Variants in CDH4 observed in about 807,000 individuals in gnomAD.
CDH4 encodes the protein cadherin-4.
In CDH4, 33 loss-of-function variants were observed where a neutral mutation model predicts 86.0. The ratio of observed to expected loss-of-function variants is 0.38; its 90% CI spans 0.29 to 0.51. CDH4 has a LOEUF of 0.51. CDH4 is among the 20% of genes least tolerant of loss of function. The pLI is 0.86. For synonymous variants in CDH4, 555 were observed against 549.4 expected, an observed-to-expected ratio of 1.01 and a Z score of -0.14; for missense variants, 1,114 against 1,307.4, an observed-to-expected ratio of 0.85 and a Z score of 2.28.
At position 61,517,113 on chromosome 20, in the gene CDH4, G is replaced by T. The variant is rs948304172; in HGVS notation, c.170-226450G>T. Among the ~76,000 whole-genome samples, 1 of 152,174 alleles carries T rather than the reference G, an allele frequency of 6.6e-6. No homozygotes were observed. The highest frequency in any genetic ancestry group is 1.5e-5 in the Non-Finnish European group (1 of 68,040). On this transcript the variant is annotated intron_variant, in intron 2 of 15. Coordinates refer to ENST00000614565, the MANE Select transcript of CDH4 (RefSeq NM_001794.5). The surrounding 1 kb of genome is among the most constrained non-coding windows in gnomAD (Gnocchi z 6.6). ...GCTCCCTCAGGCCCCTTGTGGCCAC[G>T]ATCCCTTCACCAAAGGGTAACCAGA...
Position 61,929,773 on chromosome 20 carries a change from G to A in CDH4, c.2170G>A (p.Ala724Thr), listed in dbSNP as rs376319086. 5.7e-5 allele frequency: 92 copies of A among 1,614,046 alleles called. No individual in the cohort carries two copies. The highest frequency in any genetic ancestry group is 4.3e-4 in the South Asian group (39 of 91,090). Residue 724 changes from alanine (A) to threonine (T), a missense_variant, in exon 13 of 16, where the codon GCA becomes ACA. Ala to Thr is a moderately conservative substitution (Grantham distance 58). Transcript: ENST00000614565. ...DDNGDCTTIG[A>T]VAAAGLGTGA... ...CAACGGGGACTGCACCACCATTGGC[G>A]CAGTGGCAGCGGCTGGTCTGGGCAC...
At position 61,254,259 on chromosome 20, in the gene CDH4, G is replaced by A. The variant is rs547787469; in HGVS notation, c.58-567G>A. Among the ~76,000 whole-genome samples, 35 of 152,306 alleles carry A rather than the reference G, an allele frequency of 2.3e-4. 1 individual carries two copies. In the South Asian group the frequency reaches 6.6e-3, roughly 29 times the overall value. On this transcript the variant is annotated intron_variant, in intron 1 of 15. Transcript: ENST00000614565. ...CCACTGCCTCCTCACCCCAGCCACC[G>A]GCAGCCTCCCGCAGAGCTGCCTTCT...
In CDH4 at chr20:61,565,278, GTGATGGGGTGA is replaced by G. The variant is rs1431519369; in HGVS notation, c.170-178282_170-178272del. Among the ~76,000 whole-genome samples the G allele has an allele frequency of 5.8e-5, 7 of 119,740 alleles. 1 individual carries two copies. The highest frequency in any genetic ancestry group is 1.7e-4 in the Admixed American group (2 of 11,910). The allele number at this position is 119,740 out of a possible 152,430, so 78.6% of individuals were successfully genotyped here. ...GGTGATGGTGGTGGTGGTCCTCTTGGTGATGGGGTGATGGTGGTGGCGGTGCTCTTGGTGGT... is the reference window on the plus strand; with the variant it reads ...GGTGATGGTGGTGGTGGTCCTCTTGGTGGTGGTGGCGGTGCTCTTGGTGGT... On this transcript the variant is annotated intron_variant, in intron 2 of 15. Coordinates refer to ENST00000614565, the MANE Select transcript of CDH4 (RefSeq NM_001794.5).
intron 2 of CDH4, among the ~76,000 whole-genome samples, chr20:61,661,437 CAGAT>C (rs1362953899): frequency 1.3e-5 from 2 of 149,506 alleles, no homozygotes; most frequent in South Asian, 2.1e-4. Flanking sequence ...GTGGTGCTCT[CAGAT>C]AGCCCTTTAA....
At chr20:61,801,343 C>T (rs1052095134) in intron 4 of CDH4, among the ~76,000 whole-genome samples, 5 of 152,150 alleles carry the variant, frequency 3.3e-5, no homozygotes, top group African/African-American at 1.2e-4. Context: ...GGGTTGAGGG[C>T]ATCAACCACA....
Position 61,870,169 on chromosome 20 carries a change from GC to G in CDH4, c.878-3556del, listed in dbSNP as rs1983736818. Among the ~76,000 whole-genome samples, 3 of 152,194 alleles carry G rather than the reference GC, an allele frequency of 2.0e-5. No individual in the cohort carries two copies. In the South Asian group the frequency reaches 6.2e-4, roughly 32 times the overall value. ...AGGGCTGAGTGGAGAAGAGCTCCAA[GC>G]CCAGATCCTGGACCCCAGCCCTGCT... On this transcript the variant is annotated intron_variant, in intron 6 of 15. Coordinates refer to ENST00000614565, the MANE Select transcript of CDH4 (RefSeq NM_001794.5).
At chr20:61,662,754 C>T (rs549715568) in intron 2 of CDH4, among the ~76,000 whole-genome samples, 118 of 152,330 alleles carry the variant, frequency 7.7e-4, no homozygotes, top group African/African-American at 2.7e-3. Context: ...GCCAGCAAGA[C>T]TCGGGATGGC....
intron 4 of CDH4, among the ~76,000 whole-genome samples, chr20:61,787,105 TCCATC>T (rs1978922687): frequency 1.3e-5 from 1 of 74,792 alleles, no homozygotes; most frequent in African/African-American, 3.2e-5. Flanking sequence ...CCATCATCCA[TCCATC>T]CATCCATCCA....
At chr20:61,370,945 T>G (rs2084836827) in intron 2 of CDH4, 1 of 152,252 alleles carries the variant, frequency 6.6e-6, no homozygotes. Context: ...CCGCGCCGTT[T>G]GTCCTCCCGA....
intron 1 of CDH4, among the ~76,000 whole-genome samples, chr20:61,253,879 G>A (rs899877759): frequency 6.6e-6 from 1 of 152,186 alleles, no homozygotes; most frequent in Middle Eastern, 3.2e-3. Context: ...CCCGGTGCGG[G>A]CTGCACCCGA....
chr20:61,472,917 A>T (rs1327336849), intron 2 of CDH4, among the ~76,000 whole-genome samples: 2 of 152,182 alleles, frequency 1.3e-5, no homozygotes, highest in East Asian at 1.9e-4. Context: ...TTATATGGTA[A>T]AACTTGTTTT....
intron 2 of CDH4, among the ~76,000 whole-genome samples, chr20:61,349,807 A>G (rs118095134): frequency 0.01 from 1,532 of 152,322 alleles, 13 homozygotes; most frequent in Middle Eastern, 0.027. Context: ...GGAAAGGAGC[A>G]TGTGCTCCTA....
At chr20:61,342,626 C>T (rs542476727) in intron 2 of CDH4, among the ~76,000 whole-genome samples, 20 of 152,338 alleles carry the variant, frequency 1.3e-4, no homozygotes, top group African/African-American at 4.8e-4. Context: ...CAGCCCTGTT[C>T]CCAACAGGCC....
intron 2 of CDH4, among the ~76,000 whole-genome samples, chr20:61,275,568 CTGCGCAGTTTGGGGGAGTACCA>C (rs2084226387): frequency 1.4e-5 from 1 of 73,532 alleles, no homozygotes; most frequent in African/African-American, 5.7e-5. Context: ...GGGGAGTACC[CTGCGCAGTTTGGGGGAGTACCA>C]TGCGCAGTTT....
rs1159016352 is a variant in CDH4, at chr20:61,501,300, A to G, written c.170-242263A>G. Among the ~76,000 whole-genome samples, 1 of 152,192 alleles carries G rather than the reference A, an allele frequency of 6.6e-6. No homozygotes were observed. ...CAGCCTGCGATAATACAGCTAATAC[A>G]TTATTGCCTCTGGCTTCCGTGCAGA... On this transcript the variant is annotated intron_variant, in intron 2 of 15. Transcript: ENST00000614565. This position sits in a 1 kb window ranked among gnomAD's most constrained non-coding sequence, Gnocchi z 4.2.
At chr20:61,308,343 C>T (rs570803811) in intron 2 of CDH4, among the ~76,000 whole-genome samples, 3 of 152,298 alleles carry the variant, frequency 2.0e-5, no homozygotes, top group African/African-American at 7.2e-5. Context: ...TGAGCCGCAG[C>T]GCTGAGCAGT....
chr20:61,752,040 TAAGA>T (rs1272274268), intron 3 of CDH4, among the ~76,000 whole-genome samples: 3 of 152,158 alleles, frequency 2.0e-5, no homozygotes, highest in African/African-American at 4.8e-5. Context: ...TTATTAAAAA[TAAGA>T]ACTTCTGCCA....
At chr20:61,418,604 T>TG (rs1262819242) in intron 2 of CDH4, among the ~76,000 whole-genome samples, 40 of 152,316 alleles carry the variant, frequency 2.6e-4, no homozygotes, top group African/African-American at 8.9e-4. Flanking sequence ...TAATGGCACT[T>TG]GCTCTACAGC....
intron 2 of CDH4, among the ~76,000 whole-genome samples, chr20:61,461,963 G>A (rs1461372531): frequency 6.6e-6 from 1 of 152,182 alleles, no homozygotes; most frequent in Non-Finnish European, 1.5e-5. Flanking sequence ...GTTGACAAAA[G>A]GAGTCCCACT....
Sources: allele counts gnomAD v4.1 joint callset (sites outside exome capture counted in the v4.1 genomes callset), GRCh38; gene constraint gnomAD v4.1.1; non-coding constraint Gnocchi (gnomAD v3.1); transcripts MANE v1.5; gene names NCBI Gene and HGNC (gene_info 2026-07-23, HGNC 2026-07-21).